TTC23L: variants seen among roughly 807,000 people sequenced by gnomAD.
TTC23L encodes tetratricopeptide repeat protein 23-like.
In TTC23L, 42 loss-of-function variants were observed where a neutral mutation model predicts 48.1. The ratio of observed to expected loss-of-function variants is 0.87; its 90% CI spans 0.68 to 1.13. TTC23L has a LOEUF of 1.13. TTC23L is among the 50% of genes most tolerant of loss of function. The probability of loss-of-function intolerance (pLI) is 0.00; values close to 1 mark genes in which losing one functional copy is unlikely to be tolerated. For missense variants in TTC23L, 391 were observed against 421.0 expected, an observed-to-expected ratio of 0.93 and a Z score of 0.62; for synonymous variants, 159 against 157.2, an observed-to-expected ratio of 1.01 and a Z score of -0.09.
At chr5:34,903,420 T>A (rs937460635), downstream of TTC23L, among the ~76,000 whole-genome samples, 4 of 152,072 alleles carry the variant, frequency 2.6e-5, no homozygotes, top group Non-Finnish European at 4.4e-5. Flanking sequence ...TTCTCCCTTA[T>A]CAACATCTCC....
At chr5:34,925,207 C>CTTTTT in the TTC23L span, 5 of 1,357,578 alleles carry the variant, frequency 3.7e-6, no homozygotes, top group South Asian at 3.0e-5. Flanking sequence ...AGCATCTAAT[C>CTTTTT]TTTTTTTTTT....
At chr5:34,848,694 C>G (rs36071744) in intron 3 of TTC23L, among the ~76,000 whole-genome samples, 40,096 of 151,920 alleles carry the variant, frequency 0.26, 5,412 homozygotes, top group Middle Eastern at 0.33. Flanking sequence ...GGGAGCAGCA[C>G]GTGCACAGCC....
At chr5:34,916,185 G>GT in the TTC23L span, 15,621 of 224,784 alleles carry the variant, frequency 0.069, 11 homozygotes, top group Middle Eastern at 0.11. Flanking sequence ...TTGTTCAGTT[G>GT]TTTTTTTTTT....
intron 8 of TTC23L, chr5:34,869,818 A>T (rs1056858170): frequency 1.3e-5 from 2 of 152,198 alleles, no homozygotes; most frequent in African/African-American, 4.8e-5. Flanking sequence ...TCCCCATGTC[A>T]TTAAATAAAC....
the TTC23L span, chr5:34,919,996 A>G: frequency 2.3e-5 from 12 of 525,234 alleles, no homozygotes; most frequent in East Asian, 3.5e-4. Context: ...CTATTCAGAC[A>G]CATTTTATTA....
intron 8 of TTC23L, among the ~76,000 whole-genome samples, chr5:34,871,676 G>A (rs901622127): frequency 6.6e-6 from 1 of 152,082 alleles, no homozygotes; most frequent in African/African-American, 2.4e-5. Context: ...AAGAGAATGT[G>A]GTATATTGGT....
chr5:34,850,373 C>G lies in TTC23L; in HGVS notation c.379+65C>G, dbSNP rs1759576115. 1.9e-6 allele frequency: 3 copies of G among 1,603,106 alleles called. No individual in the cohort carries two copies. The South Asian group carries it at 3.3e-5, about 18-fold the overall frequency. On this transcript the variant is annotated intron_variant, in intron 4 of 10. Coordinates refer to ENST00000505624, the Ensembl canonical transcript of TTC23L. The stretch of plus-strand genomic sequence containing the variant: ...TGAAGGCTGAACTGACCCACACAAC[C>G]TCAGTGAGGATGGGCATGACTAGGA...
At chr5:34,846,600 TAC>T (rs1156477205) in intron 3 of TTC23L, among the ~76,000 whole-genome samples, 2 of 92,904 alleles carry the variant, frequency 2.2e-5, no homozygotes, top group African/African-American at 1.0e-4. Context: ...TATATATATA[TAC>T]ACACACATAT....
chr5:34,862,930 T>A (rs1214186528), exon 5 of TTC23L: 1 of 1,613,944 alleles, frequency 6.2e-7, no homozygotes, highest in Admixed American at 1.7e-5. Flanking sequence ...ACATGCTACA[T>A]CAGCCAAGAA....
At chr5:34,912,522 T>C in the TTC23L span, among the ~76,000 whole-genome samples, 1 of 151,818 alleles carries the variant, frequency 6.6e-6, no homozygotes, top group Non-Finnish European at 1.5e-5. Flanking sequence ...TGGAATTGTC[T>C]GTGGAAACGT....
downstream of TTC23L, among the ~76,000 whole-genome samples, chr5:34,900,400 C>G (rs1763476162): frequency 6.6e-6 from 1 of 151,164 alleles, no homozygotes; most frequent in East Asian, 1.9e-4. Context: ...CTCTGGGAGG[C>G]AGAGGAAGGC....
intron 9 of TTC23L, among the ~76,000 whole-genome samples, chr5:34,886,444 A>G (rs1021054723): frequency 6.6e-6 from 1 of 151,616 alleles, no homozygotes; most frequent in Non-Finnish European, 1.5e-5. Flanking sequence ...CCAGGTATTC[A>G]GCTACAGTGA....
At chr5:34,849,457 G>A (rs958566908) in intron 3 of TTC23L, among the ~76,000 whole-genome samples, 1 of 152,154 alleles carries the variant, frequency 6.6e-6, no homozygotes, top group Non-Finnish European at 1.5e-5. Flanking sequence ...GGAAATACTA[G>A]ACCAAATGAC....
At chr5:34,853,120 A>C (rs926094463) in intron 4 of TTC23L, among the ~76,000 whole-genome samples, 2 of 152,176 alleles carry the variant, frequency 1.3e-5, no homozygotes, top group African/African-American at 4.8e-5. Flanking sequence ...AAGGGGGAAG[A>C]AGCTACTGAG....
At chr5:34,916,095 G>T in the TTC23L span, 1 of 570,212 alleles carries the variant, frequency 1.8e-6, no homozygotes, top group Non-Finnish European at 2.8e-6. Context: ...CTTCCTGGAG[G>T]CGGCGGGTTT....
the TTC23L span, chr5:34,923,301 CAG>C: frequency 7.9e-6 from 10 of 1,269,904 alleles, no homozygotes; most frequent in South Asian, 1.2e-5. Context: ...TGTTTTGAGA[CAG>C]AGTCTCGCTC....
At chr5:34,855,708 C>T (rs1258627215) in intron 4 of TTC23L, among the ~76,000 whole-genome samples, 1 of 152,168 alleles carries the variant, frequency 6.6e-6, no homozygotes, top group Non-Finnish European at 1.5e-5. Flanking sequence ...TGAGGAATCT[C>T]TATATCCTTC....
intron 9 of TTC23L, chr5:34,888,503 A>G: frequency 1.0e-6 from 1 of 985,260 alleles, no homozygotes; most frequent in Non-Finnish European, 1.2e-6. Flanking sequence ...CAGTAGAAGT[A>G]GGGAGACAAA....
At chr5:34,911,639 C>T in the TTC23L span, 4 of 1,614,152 alleles carry the variant, frequency 2.5e-6, no homozygotes, top group East Asian at 2.2e-5. Flanking sequence ...CGGAGCCCCT[C>T]TGACTGCAGA....
Sources: gnomAD v4.1 joint callset for allele counts (sites outside exome capture counted in the v4.1 genomes callset) on GRCh38, gnomAD v4.1.1 for gene constraint, MANE v1.5 for transcripts, NCBI Gene and HGNC (gene_info 2026-07-23, HGNC 2026-07-21) for gene names.